CLDN16: variants seen among roughly 807,000 people sequenced by gnomAD.
The protein encoded by CLDN16 is claudin 16.
Under a neutral mutation model 24.6 loss-of-function variants are expected in CLDN16, and 13 were observed. That is an observed-to-expected ratio of 0.53 (90% CI 0.34 to 0.84). The LOEUF (loss-of-function observed/expected upper bound fraction) is 0.84, where lower values mean the gene tolerates loss of function less well. Ranked by LOEUF, CLDN16 falls within the 40% of genes least tolerant of loss-of-function variation. The pLI, the probability that CLDN16 is intolerant of heterozygous loss-of-function variation, is 0.01. For synonymous variants in CLDN16, 116 were observed against 106.7 expected, an observed-to-expected ratio of 1.09 and a Z score of -0.54; for missense variants, 298 against 292.7, an observed-to-expected ratio of 1.02 and a Z score of -0.13.
chr3:190,400,458 C>T (rs574749856), intron 1 of CLDN16, among the ~76,000 whole-genome samples: 2 of 152,062 alleles, frequency 1.3e-5, no homozygotes, highest in African/African-American at 4.8e-5. Context: ...ATCCCGATCT[C>T]CTGACCTCTT....
At chr3:190,341,176 C>T (rs111758979) in intron 1 of CLDN16, among the ~76,000 whole-genome samples, 13,218 of 152,172 alleles carry the variant, frequency 0.087, 818 homozygotes, top group African/African-American at 0.16. Context: ...TTTCACAGTT[C>T]GACTAGGTGG....
At chr3:190,380,240 C>CCCTT (rs1553806970) in intron 3 of CLDN16, among the ~76,000 whole-genome samples, 1 of 47,846 alleles carries the variant, frequency 2.1e-5, no homozygotes, top group African/African-American at 1.0e-4. Context: ...TTCCTTCCCT[C>CCCTT]CCTTCCTTCC....
In CLDN16 at chr3:190,402,679, G is replaced by A. The variant is rs766544519; in HGVS notation, c.217+240G>A. ...GAAAAATATTATCTTATTAATCTCT[G>A]CTGTCCCTCAGAGGGCCAGGCATAG... On this transcript the variant is annotated intron_variant, in intron 2 of 4. Coordinates refer to ENST00000264734, the MANE Select transcript of CLDN16 (RefSeq NM_006580.4). 3.4e-4 allele frequency among the ~76,000 whole-genome samples: 51 copies of A among 151,978 alleles called. 1 individual carries two copies. The highest frequency in any genetic ancestry group is 2.6e-3 in the Admixed American group (40 of 15,258).
chr3:190,302,919 A>T, the CLDN16 span, among the ~76,000 whole-genome samples: 1 of 151,802 alleles, frequency 6.6e-6, no homozygotes, highest in Middle Eastern at 3.2e-3. Context: ...GTAAAAAAAT[A>T]AAAAATAAGA....
the CLDN16 span, among the ~76,000 whole-genome samples, chr3:190,316,852 T>C: frequency 1.3e-5 from 2 of 152,196 alleles, no homozygotes; most frequent in Admixed American, 6.5e-5. Context: ...TACTGAGAAA[T>C]ACCTCCCTTG....
chr3:190,372,290 G>T (rs963742932), intron 2 of CLDN16, among the ~76,000 whole-genome samples: 3 of 151,866 alleles, frequency 2.0e-5, no homozygotes, highest in African/African-American at 7.2e-5. Context: ...ATCCCTGAGA[G>T]TGGGGAAATT....
chr3:190,322,535 CT>C, upstream of CLDN16: 26 of 313,786 alleles, frequency 8.3e-5, no homozygotes, highest in Non-Finnish European at 1.1e-4. Flanking sequence ...TTCAGGGCGG[CT>C]CACCGAGAGG....
chr3:190,404,121 C>T (rs1314793258), intron 2 of CLDN16, among the ~76,000 whole-genome samples: 1 of 152,040 alleles, frequency 6.6e-6, no homozygotes, highest in Non-Finnish European at 1.5e-5. Flanking sequence ...CCCATATGGC[C>T]TAATATGTAA....
At chr3:190,312,215 A>T in the CLDN16 span, among the ~76,000 whole-genome samples, 241 of 152,202 alleles carry the variant, frequency 1.6e-3, no homozygotes, top group Non-Finnish European at 2.8e-3. Flanking sequence ...ACAGGCGTGA[A>T]CCACCACACC....
intron 1 of CLDN16, among the ~76,000 whole-genome samples, chr3:190,355,015 T>C (rs957621043): frequency 2.0e-5 from 3 of 152,038 alleles, no homozygotes; most frequent in East Asian, 1.9e-4. Context: ...ATTATTCTAA[T>C]GGTTTTTTCT....
the CLDN16 span, among the ~76,000 whole-genome samples, chr3:190,294,241 C>T: frequency 1.4e-4 from 22 of 152,100 alleles, no homozygotes; most frequent in Non-Finnish European, 2.9e-4. Context: ...TAAGTTCTGA[C>T]CTCATGACTT....
the CLDN16 span, among the ~76,000 whole-genome samples, chr3:190,299,143 A>C: frequency 6.6e-6 from 1 of 152,322 alleles, no homozygotes; most frequent in Non-Finnish European, 1.5e-5. Flanking sequence ...AGTCTGGTTT[A>C]AAATTACATT....
intron 3 of CLDN16, among the ~76,000 whole-genome samples, chr3:190,381,918 A>C (rs555264836): frequency 6.6e-6 from 1 of 152,110 alleles, no homozygotes; most frequent in African/African-American, 2.4e-5. Context: ...AAGAGCTGAC[A>C]TTGACTTCAT....
chr3:190,362,782 G>C (rs1163307059), intron 1 of CLDN16, among the ~76,000 whole-genome samples: 1 of 151,952 alleles, frequency 6.6e-6, no homozygotes, highest in Non-Finnish European at 1.5e-5. Context: ...CTGAAACCTT[G>C]AAAAGCAAAA....
chr3:190,315,646 T>G, the CLDN16 span, among the ~76,000 whole-genome samples: 1 of 152,246 alleles, frequency 6.6e-6, no homozygotes, highest in Admixed American at 6.5e-5. Context: ...ATACTCTTTT[T>G]CAACCTTTTA....
intron 1 of CLDN16, among the ~76,000 whole-genome samples, chr3:190,361,586 G>A (rs1280867332): frequency 3.9e-5 from 6 of 151,998 alleles, no homozygotes; most frequent in Non-Finnish European, 7.4e-5. Flanking sequence ...GGCTGCAAAA[G>A]TCTGAATGCC....
At chr3:190,378,439 G>A (rs564029756) in intron 3 of CLDN16, among the ~76,000 whole-genome samples, 2 of 152,054 alleles carry the variant, frequency 1.3e-5, no homozygotes, top group South Asian at 4.1e-4. Context: ...CTTCCCTGAG[G>A]GCTGATCACT....
the CLDN16 span, among the ~76,000 whole-genome samples, chr3:190,312,324 T>A: frequency 6.6e-6 from 1 of 152,330 alleles, no homozygotes; most frequent in South Asian, 2.1e-4. Context: ...CCTAACTGCT[T>A]TAAACTGACC....
intron 1 of CLDN16, among the ~76,000 whole-genome samples, chr3:190,366,871 G>A (rs1718036476): frequency 6.6e-6 from 1 of 151,850 alleles, no homozygotes. Context: ...TTCCTGCAGA[G>A]GGATTTCAGA....
Sources: gnomAD v4.1 joint callset for allele counts (sites outside exome capture counted in the v4.1 genomes callset) on GRCh38, gnomAD v4.1.1 for gene constraint, MANE v1.5 for transcripts, NCBI Gene and HGNC (gene_info 2026-07-23, HGNC 2026-07-21) for gene names.